The following ZNF600 variants were observed in gnomAD, a reference collection of about 807,000 sequenced individuals.
ZNF600 encodes zinc finger protein KR-ZNF1.
Under a neutral mutation model 7.3 loss-of-function variants are expected in ZNF600, and 4 were observed. The observed-to-expected ratio is 0.55, with a 90% CI of 0.27 to 1.25. ZNF600 has a LOEUF of 1.25. Ranked by LOEUF, ZNF600 falls within the 50% of genes most tolerant of loss-of-function variation. The pLI is 0.12. For synonymous variants in ZNF600, 290 were observed against 308.9 expected (o/e 0.94, Z 0.64); for missense variants, 911 against 922.1 (o/e 0.99, Z 0.16).
chr19:52,780,405 G>A (rs750722901), intron 1 of ZNF600, among the ~76,000 whole-genome samples, 176 bp downstream of exon 3: 9 of 152,090 alleles, frequency 5.9e-5, no homozygotes, highest in Non-Finnish European at 1.3e-4. Flanking sequence ...CCTAGAGAGA[G>A]GGACAGCTCA....
At position 52,778,820 on chromosome 19, in the gene ZNF600, C is replaced by T; in HGVS notation, c.63+6G>A. 1.9e-6 allele frequency: 3 copies of T among 1,606,164 alleles called. No homozygotes were observed. The highest frequency in any genetic ancestry group is 1.7e-6 in the Non-Finnish European group (2 of 1,178,334). On this transcript the variant is annotated splice_donor_region_variant and intron_variant, in intron 2 of 3. Transcript: ENST00000648973. ...CAGATTAATCCACAGAGGAATATCA[C>T]TTCACCTGAGGAAGAGCCATGCCTG...
chr19:52,775,999 C>T (rs1293059451), intron 2 of ZNF600, among the ~76,000 whole-genome samples: 1 of 148,156 alleles, frequency 6.7e-6, no homozygotes, highest in African/African-American at 2.6e-5. Context: ...GAGCAATACT[C>T]TGACTCCAAA....
At chr19:52,792,701 A>C in the ZNF600 span, among the ~76,000 whole-genome samples, 1 of 152,052 alleles carries the variant, frequency 6.6e-6, no homozygotes, top group Non-Finnish European at 1.5e-5. Context: ...GTGAGCCACC[A>C]TGCCCGGCTC....
chr19:52,831,276 G>GTAATAACAATCATAATAA, the ZNF600 span, among the ~76,000 whole-genome samples: 1 of 152,054 alleles, frequency 6.6e-6, no homozygotes, highest in Admixed American at 6.6e-5. Context: ...GCTCATGCCT[G>GTAATAACAATCATAATAA]TAATAACAAT....
chr19:52,803,769 C>T, the ZNF600 span, among the ~76,000 whole-genome samples: 3 of 151,946 alleles, frequency 2.0e-5, no homozygotes, highest in African/African-American at 7.3e-5. Flanking sequence ...CCAGCCTGGG[C>T]AACATGGTGA....
chr19:52,826,302 G>A, the ZNF600 span, among the ~76,000 whole-genome samples: 587 of 152,204 alleles, frequency 3.9e-3, 4 homozygotes, highest in Non-Finnish European at 6.7e-3. Context: ...TGGGAATTGC[G>A]GCAAATGCTT....
the ZNF600 span, chr19:52,800,154 G>C: frequency 6.2e-7 from 1 of 1,613,910 alleles, no homozygotes. Context: ...TTCCATGTGT[G>C]ATTTGCGACT....
chr19:52,820,086 A>G, the ZNF600 span, among the ~76,000 whole-genome samples: 1 of 140,550 alleles, frequency 7.1e-6, no homozygotes, highest in Admixed American at 7.1e-5. Flanking sequence ...GCTGGGCTCC[A>G]TCCTTGCAAC....
At chr19:52,811,031 A>G in the ZNF600 span, among the ~76,000 whole-genome samples, 2 of 139,872 alleles carry the variant, frequency 1.4e-5, no homozygotes, top group Non-Finnish European at 3.1e-5. Flanking sequence ...CTGCGATTGC[A>G]GGCACGCGCC....
chr19:52,764,308 T>G (rs1321086198), downstream of ZNF600: 1 of 152,048 alleles, frequency 6.6e-6, no homozygotes, highest in Non-Finnish European at 1.5e-5. Flanking sequence ...CCTCCCAGGT[T>G]TAAGCGACTC....
chr19:52,804,498 G>T, the ZNF600 span, among the ~76,000 whole-genome samples: 1 of 151,862 alleles, frequency 6.6e-6, no homozygotes, highest in Non-Finnish European at 1.5e-5. Context: ...AACCTCCCAA[G>T]TAGCTGGGAT....
chr19:52,802,325 A>G, the ZNF600 span, among the ~76,000 whole-genome samples: 1 of 152,090 alleles, frequency 6.6e-6, no homozygotes. Context: ...CCAATATTAC[A>G]CCACTGCACT....
upstream of ZNF600, among the ~76,000 whole-genome samples, chr19:52,787,189 G>A (rs943715011): frequency 6.6e-6 from 1 of 152,176 alleles, no homozygotes; most frequent in African/African-American, 2.4e-5. Context: ...CTGGGATGCG[G>A]GACGGAGAGC....
chr19:52,828,708 G>A, the ZNF600 span, among the ~76,000 whole-genome samples: 1 of 152,026 alleles, frequency 6.6e-6, no homozygotes, highest in Non-Finnish European at 1.5e-5. Flanking sequence ...AATGATGCAG[G>A]CTCCCTGGTC....
chr19:52,822,286 G>C, the ZNF600 span, among the ~76,000 whole-genome samples: 1 of 151,804 alleles, frequency 6.6e-6, no homozygotes, highest in Non-Finnish European at 1.5e-5. Context: ...TGGACAGGCT[G>C]GTCTCGAACT....
At chr19:52,773,201 T>C (rs11667459) in intron 3 of ZNF600, among the ~76,000 whole-genome samples, 65,755 of 146,234 alleles carry the variant, frequency 0.45, 9,548 homozygotes, top group Non-Finnish European at 0.52. Flanking sequence ...TGTGCATGCA[T>C]GTCTGTGGGA....
the ZNF600 span, among the ~76,000 whole-genome samples, chr19:52,829,786 A>C: frequency 6.6e-6 from 1 of 152,018 alleles, no homozygotes; most frequent in East Asian, 1.9e-4. Flanking sequence ...TGCTGGGATT[A>C]GAGGTGTGAG....
chr19:52,770,591 T>C (rs1401494034), intron 3 of ZNF600, among the ~76,000 whole-genome samples: 1 of 152,040 alleles, frequency 6.6e-6, no homozygotes, highest in Admixed American at 6.6e-5. Context: ...ATATAAAACA[T>C]AGAATGTGTA....
chr19:52,810,337 G>C, the ZNF600 span: 161 of 1,603,830 alleles, frequency 1.0e-4, no homozygotes, highest in Non-Finnish European at 1.3e-4. Flanking sequence ...GTGGACTGCG[G>C]TGCAACAGCA....
Sources: allele counts gnomAD v4.1 joint callset (sites outside exome capture counted in the v4.1 genomes callset), GRCh38; gene constraint gnomAD v4.1.1; transcripts MANE v1.5; gene names NCBI Gene and HGNC (gene_info 2026-07-23, HGNC 2026-07-21).